Variants in HRK observed in about 807,000 individuals in gnomAD.
HRK encodes harakiri, BCL2 interacting protein.
In HRK, 6 loss-of-function variants were observed where a neutral mutation model predicts 5.9. The observed-to-expected ratio is 1.02, with a 90% CI of 0.56 to 2.01. HRK has a LOEUF of 2.01. Among genes scored for constraint, HRK ranks in the 30% most tolerant of loss-of-function variants. The probability of loss-of-function intolerance (pLI) is 0.00; values close to 1 mark genes in which losing one functional copy is unlikely to be tolerated. For missense variants in HRK, 133 were observed against 128.3 expected, an observed-to-expected ratio of 1.04 and a Z score of -0.18; for synonymous variants, 85 against 65.1, an observed-to-expected ratio of 1.31 and a Z score of -1.47.
In HRK at chr12:116,873,724, AC is replaced by A. The variant is rs555065526; in HGVS notation, c.*56+7251del. Among the ~76,000 whole-genome samples, 88 of 152,114 alleles carry A rather than the reference AC, an allele frequency of 5.8e-4. 1 individual carries two copies. The highest frequency in any genetic ancestry group is 2.0e-3 in the African/African-American group (85 of 41,508). ...AAGTTTCCCAGAGCAATTAAATTCC[AC>A]CCTGCCCAAGTCTCTGGCCCATGGA... On this transcript the variant is annotated intron_variant, in intron 1 of 1. Coordinates refer to ENST00000257572, the MANE Select transcript of HRK (RefSeq NM_003806.4).
At chr12:116,872,166 C>T (rs543545193) in intron 1 of HRK, among the ~76,000 whole-genome samples, 17 of 152,230 alleles carry the variant, frequency 1.1e-4, no homozygotes, top group South Asian at 4.1e-4. Context: ...GTCAGGAGTT[C>T]GAGACCAGGA....
chr12:116,876,869 A>C (rs1203267520), intron 1 of HRK: 1 of 152,310 alleles, frequency 6.6e-6, no homozygotes, highest in African/African-American at 2.4e-5. Context: ...TACTGCCCCT[A>C]TCTCCTCTTC....
intron 1 of HRK, among the ~76,000 whole-genome samples, chr12:116,863,296 A>G (rs1320729957): frequency 6.6e-6 from 1 of 152,150 alleles, no homozygotes; most frequent in East Asian, 1.9e-4. Context: ...ACTAATGGGA[A>G]AGTAAGATCA....
Position 116,862,336 on chromosome 12 carries a change from T to G in HRK, c.*57-870A>C, listed in dbSNP as rs921389863. On this transcript the variant is annotated intron_variant, in intron 1 of 1. Transcript: ENST00000257572. The surrounding 1 kb of genome is among the most constrained non-coding windows in gnomAD (Gnocchi z 4.0). ...AACAACCCAAATGTCCATCAACTGA[T>G]GAATAAACAAAATGTGGTCTTTCCA... 6.6e-6 allele frequency among the ~76,000 whole-genome samples: 1 copy of G among 152,206 alleles called. No individual in the cohort carries two copies. Among genetic ancestry groups the G allele is most frequent in the Non-Finnish European group, 1.5e-5 (1 of 68,034 alleles).
chr12:116,867,744 A>ATT (rs1252874206), intron 1 of HRK: 1 of 152,214 alleles, frequency 6.6e-6, no homozygotes, highest in East Asian at 1.9e-4. Context: ...AGCCATTAAA[A>ATT]AGGATGAGGA....
At chr12:116,867,626 C>T (rs1253160884) in intron 1 of HRK, 1 of 152,102 alleles carries the variant, frequency 6.6e-6, no homozygotes, top group Non-Finnish European at 1.5e-5. Context: ...AAAAAAAGTG[C>T]CTAACAACCT....
At position 116,859,357 on chromosome 12, in the gene HRK, G is replaced by A. The variant is rs1001972731; in HGVS notation, c.*2166C>T. On this transcript the variant is annotated 3_prime_UTR_variant, in exon 2 of 2. Coordinates refer to ENST00000257572, the MANE Select transcript of HRK (RefSeq NM_003806.4). ...TACAGCCTTAAAGAAGCAGAGAACT[G>A]TGATTGGATACAGCTGTGTAGTAAT... 3.9e-5 allele frequency: 6 copies of A among 152,212 alleles called. No individual in the cohort carries two copies. The highest frequency in any genetic ancestry group is 1.4e-4 in the African/African-American group (6 of 41,444). The allele number at this position is 152,212 out of a possible 1,614,324, so 9.4% of individuals were successfully genotyped here.
chr12:116,875,137 A>G (rs575771428), intron 1 of HRK, among the ~76,000 whole-genome samples: 1 of 152,366 alleles, frequency 6.6e-6, no homozygotes, highest in South Asian at 2.1e-4. Flanking sequence ...ATTGGGTATT[A>G]TAAGTAATCT....
At chr12:116,872,531 A>C (rs1033513202) in intron 1 of HRK, among the ~76,000 whole-genome samples, 12 of 151,946 alleles carry the variant, frequency 7.9e-5, no homozygotes, top group Non-Finnish European at 1.8e-4. Context: ...TAATCCCAAC[A>C]CTTTGGAAAA....
At chr12:116,863,749 A>G (rs112229517) in intron 1 of HRK, among the ~76,000 whole-genome samples, 2 of 151,070 alleles carry the variant, frequency 1.3e-5, no homozygotes, top group Non-Finnish European at 2.9e-5. Flanking sequence ...CCCAGGCAGG[A>G]GTGCAGTGGC....
chr12:116,875,753 A>T (rs1878902902), intron 1 of HRK, among the ~76,000 whole-genome samples: 1 of 152,114 alleles, frequency 6.6e-6, no homozygotes, highest in African/African-American at 2.4e-5. Flanking sequence ...CACATTGGCC[A>T]GGCAGGTCTC....
At chr12:116,873,015 C>A (rs1878815651) in intron 1 of HRK, among the ~76,000 whole-genome samples, 1 of 152,230 alleles carries the variant, frequency 6.6e-6, no homozygotes, top group Non-Finnish European at 1.5e-5. Flanking sequence ...GGCTTAGAAT[C>A]TGTCTGGTCT....
intron 1 of HRK, among the ~76,000 whole-genome samples, chr12:116,876,995 G>A (rs922651933): frequency 3.3e-5 from 5 of 152,226 alleles, no homozygotes; most frequent in Non-Finnish European, 7.3e-5. Context: ...GAATTAAAAG[G>A]AATGACACTG....
In HRK at chr12:116,860,662, TAGA is replaced by T. The variant is rs1294658342; in HGVS notation, c.*858_*860del. The T allele has an allele frequency of 2.0e-5, 3 of 148,240 alleles. No individual in the cohort carries two copies. The highest frequency in any genetic ancestry group is 6.8e-5 in the Admixed American group (1 of 14,788). The allele number at this position is 148,240 out of a possible 1,614,324, so 9.2% of individuals were successfully genotyped here. The stretch of plus-strand genomic sequence containing the variant: ...CCACCTCTGGATATTCGTCCCCAGG[TAGA>T]AGAAGAGAAGAGACTCTCAAGTGGC... On this transcript the variant is annotated 3_prime_UTR_variant, in exon 2 of 2. Transcript: ENST00000257572.
chr12:116,874,894 C>T (rs996095283), intron 1 of HRK, among the ~76,000 whole-genome samples: 6 of 152,148 alleles, frequency 3.9e-5, no homozygotes, highest in Admixed American at 3.9e-4. Flanking sequence ...CAGTCCCCAG[C>T]CATCCTGGAG....
intron 1 of HRK, among the ~76,000 whole-genome samples, chr12:116,867,947 C>T (rs1565883186): frequency 6.6e-6 from 1 of 152,130 alleles, no homozygotes; most frequent in Admixed American, 6.5e-5. Flanking sequence ...GCACTGGACC[C>T]ACTAAAGGTA....
chr12:116,875,170 T>G (rs1196308584), intron 1 of HRK, among the ~76,000 whole-genome samples: 1 of 152,240 alleles, frequency 6.6e-6, no homozygotes, highest in Non-Finnish European at 1.5e-5. Flanking sequence ...AAGCCTACAG[T>G]GTGTGGGTTA....
chr12:116,867,194 T>G (rs1233638763), intron 1 of HRK, among the ~76,000 whole-genome samples: 1 of 150,530 alleles, frequency 6.6e-6, no homozygotes, highest in Non-Finnish European at 1.5e-5. Flanking sequence ...CAGGCTGGAG[T>G]GCAATAGCGT....
rs181617649 is a variant in HRK at position 116,859,929 on chromosome 12, G to T, written c.*1594C>A. 9.6e-4 allele frequency: 146 copies of T among 152,142 alleles called. No individual in the cohort carries two copies. Among genetic ancestry groups the T allele is most frequent in the African/African-American group, 3.4e-3 (141 of 41,486 alleles). The allele number at this position is 152,142 out of a possible 1,614,324, so 9.4% of individuals were successfully genotyped here. Reference sequence around the variant, plus strand: ...ATCCCACTGCTGGCTTCTTAGAACTGTACAGCAAAGCCTGTGGGGGGATAA... The same window carrying T: ...ATCCCACTGCTGGCTTCTTAGAACTTTACAGCAAAGCCTGTGGGGGGATAA... On this transcript the variant is annotated 3_prime_UTR_variant, in exon 2 of 2. Transcript: ENST00000257572.
Sources: allele counts gnomAD v4.1 joint callset (sites outside exome capture counted in the v4.1 genomes callset), GRCh38; gene constraint gnomAD v4.1.1; non-coding constraint Gnocchi (gnomAD v3.1); transcripts MANE v1.5; gene names NCBI Gene and HGNC (gene_info 2026-07-23, HGNC 2026-07-21).